Variants in UBE2J2 observed in about 807,000 individuals in gnomAD.
The protein encoded by UBE2J2 is ubiquitin conjugating enzyme E2 J2, also known as ubiquitin-conjugating enzyme E2 J2.
UBE2J2 carries 5 observed loss-of-function variants against 28.6 expected under a neutral mutation model. The observed-to-expected ratio is 0.17, with a 90% CI of 0.09 to 0.37. The LOEUF is 0.37. Among genes scored for constraint, UBE2J2 ranks in the 10% least tolerant of loss-of-function variants. The pLI, the probability that UBE2J2 is intolerant of heterozygous loss-of-function variation, is 1.00. For synonymous variants in UBE2J2, 138 were observed against 139.7 expected, an observed-to-expected ratio of 0.99 and a Z score of 0.09; for missense variants, 226 against 338.9, an observed-to-expected ratio of 0.67 and a Z score of 2.62.
chr1:1,266,164 A>G (rs1264555959), intron 2 of UBE2J2: 2 of 1,302,798 alleles, frequency 1.5e-6, no homozygotes, highest in Admixed American at 4.6e-5. Flanking sequence ...TCTGGTGGCC[A>G]AGGGGCTCCG....
chr1:1,264,578 C>A (rs1217262923), intron 2 of UBE2J2, among the ~76,000 whole-genome samples: 1 of 152,164 alleles, frequency 6.6e-6, no homozygotes, highest in Non-Finnish European at 1.5e-5. Flanking sequence ...TCGAGACCAG[C>A]CTGGTCAACA....
chr1:1,261,010 G>A (rs1639527364), intron 3 of UBE2J2, among the ~76,000 whole-genome samples: 2 of 152,356 alleles, frequency 1.3e-5, no homozygotes, highest in South Asian at 4.1e-4. Flanking sequence ...CCAGTGCACG[G>A]AGGGGACGCA....
Position 1,264,120 on chromosome 1 carries a change from C to T in UBE2J2, c.132-734G>A, listed in dbSNP as rs1013155340. ...TGCGGGGCCGGCTCGGTACCCCCAG[C>T]CCTTTCTCGTGCTCCTGGAAAAACC... On this transcript the variant is annotated intron_variant, in intron 2 of 6. Coordinates refer to ENST00000349431, the MANE Select transcript of UBE2J2 (RefSeq NM_058167.3). Among the ~76,000 whole-genome samples, 9 of 152,260 alleles carry T rather than the reference C, an allele frequency of 5.9e-5. No individual in the cohort carries two copies. In the East Asian group the frequency reaches 9.6e-4, roughly 16 times the overall value.
chr1:1,271,305 A>C (rs1386353207), intron 1 of UBE2J2, among the ~76,000 whole-genome samples: 2 of 152,226 alleles, frequency 1.3e-5, no homozygotes, highest in Admixed American at 6.5e-5. Context: ...CCCAAGCAGC[A>C]CCGCCACACA....
chr1:1,257,390 GCCAC>G (rs1639255419), intron 3 of UBE2J2, 80 bp from the exon 4 acceptor site: 47 of 177,494 alleles, frequency 2.6e-4, no homozygotes, highest in South Asian at 7.3e-4. Context: ...ATCCCCCCAC[GCCAC>G]CCCCCCCCCC....
intron 3 of UBE2J2, among the ~76,000 whole-genome samples, chr1:1,260,926 T>A (rs1639520734): frequency 6.6e-6 from 1 of 152,158 alleles, no homozygotes; most frequent in Non-Finnish European, 1.5e-5. Flanking sequence ...TTTAGCAACA[T>A]TTGTAGGAAG....
Position 1,258,901 on chromosome 1 carries a change from T to C in UBE2J2, c.173-1591A>G, listed in dbSNP as rs186695519. On this transcript the variant is annotated intron_variant, in intron 3 of 6. Transcript: ENST00000349431. ...CTGCCCAGGCTGCACCTGGAGTTGG[T>C]TGGAAATTCAGAGCTTGGGGCCAAC... Among the ~76,000 whole-genome samples the C allele has an allele frequency of 1.5e-3, 236 of 152,312 alleles. 1 individual carries two copies. The highest frequency in any genetic ancestry group is 4.5e-3 in the African/African-American group (189 of 41,554).
chr1:1,266,861 A>G (rs1048995292), intron 2 of UBE2J2, among the ~76,000 whole-genome samples: 1 of 152,146 alleles, frequency 6.6e-6, no homozygotes, highest in Non-Finnish European at 1.5e-5. Flanking sequence ...TTAAAAGATC[A>G]AAATATAAAA....
intron 2 of UBE2J2, among the ~76,000 whole-genome samples, chr1:1,264,304 G>A (rs575379897): frequency 8.5e-5 from 13 of 152,192 alleles, no homozygotes; most frequent in Non-Finnish European, 1.6e-4. Context: ...TCTGCTTTAC[G>A]TAAAGAAGTG....
intron 3 of UBE2J2, among the ~76,000 whole-genome samples, chr1:1,260,189 C>G (rs573135529): frequency 8.2e-4 from 125 of 152,286 alleles, no homozygotes; most frequent in Non-Finnish European, 1.6e-3. Flanking sequence ...TCCTGGCGTG[C>G]GGCCACATCC....
chr1:1,257,514 C>A (rs937793960), intron 3 of UBE2J2, among the ~76,000 whole-genome samples: 18 of 150,468 alleles, frequency 1.2e-4, no homozygotes, highest in Non-Finnish European at 2.5e-4. Context: ...TCATGACCAC[C>A]CAGACCCAAT....
chr1:1,255,343 G>C lies in UBE2J2; in HGVS notation c.640C>G (p.Pro214Ala), dbSNP rs1639107247. 1 of 1,613,778 alleles carries C rather than the reference G, an allele frequency of 6.2e-7. No homozygotes were observed. Among genetic ancestry groups the C allele is most frequent in the African/African-American group, 1.3e-5 (1 of 75,076 alleles). ...GCCTGCTGGAGCCCTGCGAGGTTTG[G>C]GACGGCCCCCGGCGCATGCCCGTTG... is the stretch of plus-strand genomic sequence containing the variant. ...LLNGHAPGAVPNLAGLQQANR... is the reference protein window; with the variant it reads ...LLNGHAPGAVANLAGLQQANR... Residue 214 changes from proline (P) to alanine (A), a missense_variant, in exon 7 of 7, where the codon CCA becomes GCA. Pro to Ala is a conservative substitution (Grantham distance 27, BLOSUM62 -1). This residue lies in a region of UBE2J2 where 133 missense variants were observed against 161.5 expected (regional missense o/e 0.82). Transcript: ENST00000349431.
intron 3 of UBE2J2, among the ~76,000 whole-genome samples, chr1:1,258,946 G>C (rs998784247): frequency 5.3e-5 from 8 of 152,274 alleles, no homozygotes; most frequent in African/African-American, 1.7e-4. Context: ...AGGACCACAA[G>C]TGCACAAGCC....
At chr1:1,269,371 G>C (rs569267716) in intron 1 of UBE2J2, among the ~76,000 whole-genome samples, 1 of 151,106 alleles carries the variant, frequency 6.6e-6, no homozygotes, top group South Asian at 2.1e-4. Context: ...GGGACCCCAA[G>C]GCCCCTCAGC....
intron 1 of UBE2J2, among the ~76,000 whole-genome samples, chr1:1,270,205 G>A (rs1222003413): frequency 6.6e-6 from 1 of 152,204 alleles, no homozygotes; most frequent in East Asian, 1.9e-4. Context: ...ATAAATTACT[G>A]AGTCTCGGGT....
In UBE2J2 at chr1:1,256,864, A is replaced by G. The variant is rs557653966; in HGVS notation, c.414+128T>C. On this transcript the variant is annotated intron_variant, in intron 5 of 6. Transcript: ENST00000349431. The stretch of plus-strand genomic sequence containing the variant: ...ATTGCGCCACTGCACTCCAGCCTGG[A>G]GACACAGCGAGACTCCGTCTCAAGA... The G allele has an allele frequency of 2.8e-4, 258 of 930,674 alleles. 2 individuals are homozygous for G. In the East Asian group the frequency reaches 7.8e-3, roughly 28 times the overall value. 57.7% of individuals were successfully genotyped at this position (930,674 alleles called of 1,614,324 possible).
chr1:1,264,420 C>T (rs2101070196), intron 2 of UBE2J2, among the ~76,000 whole-genome samples: 1 of 152,316 alleles, frequency 6.6e-6, no homozygotes, highest in South Asian at 2.1e-4. Context: ...CAACACCGGC[C>T]AACACCGGCC....
rs1402092346 is a variant in UBE2J2 at position 1,253,974 on chromosome 1, A to G, written c.*1229T>C. 1 of 152,230 alleles carries G rather than the reference A, an allele frequency of 6.6e-6. No homozygotes were observed. Among genetic ancestry groups the G allele is most frequent in the East Asian group, 1.9e-4 (1 of 5,204 alleles). The allele number at this position is 152,230 out of a possible 1,614,324, so 9.4% of individuals were successfully genotyped here. A position where few individuals can be genotyped will look rare whatever the true frequency, so the allele number is the denominator to read the frequency against. ...CACAAGAATAGGTTAAATACATACA[A>G]TTGGTAAATTATAGAGCAATTCTGA... On this transcript the variant is annotated 3_prime_UTR_variant, in exon 7 of 7. Transcript: ENST00000349431.
At chr1:1,270,766 TA>T (rs1216501845) in intron 1 of UBE2J2, among the ~76,000 whole-genome samples, 1 of 151,248 alleles carries the variant, frequency 6.6e-6, no homozygotes. Flanking sequence ...GCCAAGCAAA[TA>T]AACATCAACA....
Sources: gnomAD v4.1 joint callset for allele counts (sites outside exome capture counted in the v4.1 genomes callset) on GRCh38, gnomAD v4.1.1 for gene constraint, gnomAD v4.1.1 regional missense constraint, MANE v1.5 for transcripts, NCBI Gene and HGNC (gene_info 2026-07-23, HGNC 2026-07-21) for gene names.